The following BCKDHB variants were observed in gnomAD, a reference collection of about 807,000 sequenced individuals.
The protein encoded by BCKDHB is 2-oxoisovalerate dehydrogenase subunit beta, mitochondrial.
A neutral mutation model predicts 48.5 loss-of-function variants in BCKDHB; 41 were observed. That is an observed-to-expected ratio of 0.85 (90% CI 0.66 to 1.10). BCKDHB has a LOEUF of 1.10. BCKDHB is among the 50% of genes least tolerant of loss of function. BCKDHB has a pLI of 0.00. For missense variants in BCKDHB, 496 were observed against 494.2 expected (o/e 1.00, Z -0.03); for synonymous variants, 201 against 174.8 (o/e 1.15, Z -1.18).
intron 8 of BCKDHB, among the ~76,000 whole-genome samples, chr6:80,221,041 G>T (rs1251867113): frequency 1.3e-5 from 2 of 152,034 alleles, no homozygotes; most frequent in Non-Finnish European, 2.9e-5. Context: ...CTATTTGCCT[G>T]ATTATCTCTG....
the BCKDHB span, among the ~76,000 whole-genome samples, chr6:80,435,097 G>C: frequency 6.6e-6 from 1 of 152,100 alleles, no homozygotes; most frequent in Non-Finnish European, 1.5e-5. Flanking sequence ...ACTATTTCTA[G>C]GCAGCAAACT....
At chr6:80,456,437 G>T in the BCKDHB span, among the ~76,000 whole-genome samples, 1 of 152,060 alleles carries the variant, frequency 6.6e-6, no homozygotes, top group Non-Finnish European at 1.5e-5. Context: ...TCCTTTCCTA[G>T]CTCCCAGATT....
At chr6:80,157,167 G>T (rs1772083862) in intron 3 of BCKDHB, among the ~76,000 whole-genome samples, 1 of 151,482 alleles carries the variant, frequency 6.6e-6, no homozygotes, top group Non-Finnish European at 1.5e-5. Context: ...ATTTTCTATG[G>T]GTTGCTTAAA....
At chr6:80,374,598 A>G in the BCKDHB span, 603,547 of 615,040 alleles carry the variant, frequency 0.98, 297,046 homozygotes, top group East Asian at 1. Context: ...GCTACTTAGG[A>G]AAAGAGCCAT....
chr6:80,302,415 A>C (rs1767633276), intron 9 of BCKDHB, among the ~76,000 whole-genome samples: 1 of 152,148 alleles, frequency 6.6e-6, no homozygotes. Flanking sequence ...TTTTCTTACA[A>C]ATTTTTGCAA....
In BCKDHB at chr6:80,307,611, A is replaced by G. The variant is rs375249460; in HGVS notation, c.1038+34390A>G. 1.8e-5 allele frequency: 18 copies of G among 982,742 alleles called. No homozygotes were observed. The East Asian group carries it at 4.5e-4, about 25-fold the overall frequency. The allele number at this position is 982,742 out of a possible 1,614,324, so 60.9% of individuals were successfully genotyped here. On this transcript the variant is annotated intron_variant, in intron 9 of 9. Coordinates refer to ENST00000320393, the MANE Select transcript of BCKDHB (RefSeq NM_183050.4). The stretch of plus-strand genomic sequence containing the variant: ...AAATAACAAGATCGTCAACAGAAAA[A>G]GTGACAAACATAAAGTATATCTAGC...
chr6:80,440,886 C>T, the BCKDHB span: 2 of 152,096 alleles, frequency 1.3e-5, no homozygotes, highest in Admixed American at 6.6e-5. Context: ...AATATGGAGA[C>T]AGTTCCAAGA....
At chr6:80,373,733 A>C in the BCKDHB span, among the ~76,000 whole-genome samples, 4 of 152,064 alleles carry the variant, frequency 2.6e-5, no homozygotes, top group Admixed American at 6.6e-5. Context: ...TTCCTGTTGG[A>C]CTAGGCCTTT....
At chr6:80,434,024 C>G in the BCKDHB span, among the ~76,000 whole-genome samples, 1 of 152,062 alleles carries the variant, frequency 6.6e-6, no homozygotes, top group African/African-American at 2.4e-5. Context: ...ATACTCTGCT[C>G]TTTATTTGGG....
intron 3 of BCKDHB, among the ~76,000 whole-genome samples, chr6:80,151,649 T>C (rs1416859719): frequency 6.6e-6 from 1 of 152,152 alleles, no homozygotes; most frequent in African/African-American, 2.4e-5. Context: ...AGGTCCTCAG[T>C]TTGGACTTAG....
intron 3 of BCKDHB, among the ~76,000 whole-genome samples, chr6:80,164,500 C>T (rs903777653): frequency 6.6e-6 from 1 of 152,194 alleles, no homozygotes; most frequent in Non-Finnish European, 1.5e-5. Context: ...GGTTCATCAT[C>T]TAACAAACTA....
At chr6:80,438,233 T>C in the BCKDHB span, among the ~76,000 whole-genome samples, 2 of 152,240 alleles carry the variant, frequency 1.3e-5, no homozygotes, top group Admixed American at 1.3e-4. Context: ...TTGCACACTG[T>C]TCTGCAACGT....
intron 8 of BCKDHB, among the ~76,000 whole-genome samples, chr6:80,219,452 A>G (rs1409641030): frequency 6.6e-6 from 1 of 151,990 alleles, no homozygotes; most frequent in African/African-American, 2.4e-5. Flanking sequence ...GGTGATCCAC[A>G]CACCTCGGCC....
At chr6:80,320,134 A>G (rs1768644992) in intron 9 of BCKDHB, among the ~76,000 whole-genome samples, 1 of 152,166 alleles carries the variant, frequency 6.6e-6, no homozygotes, top group Non-Finnish European at 1.5e-5. Flanking sequence ...ATATGTTTAC[A>G]TGTTTTAAAT....
chr6:80,354,821 G>A, the BCKDHB span, among the ~76,000 whole-genome samples: 1 of 152,140 alleles, frequency 6.6e-6, no homozygotes, highest in Non-Finnish European at 1.5e-5. Flanking sequence ...GTAAATATGT[G>A]ATCTTATGTC....
intron 9 of BCKDHB, among the ~76,000 whole-genome samples, chr6:80,332,848 G>A (rs1300731121): frequency 2.6e-5 from 4 of 151,596 alleles, no homozygotes; most frequent in Non-Finnish European, 5.9e-5. Context: ...GCAGGCAAAC[G>A]GCTAGGAATT....
the BCKDHB span, among the ~76,000 whole-genome samples, chr6:80,412,164 T>A: frequency 2.0e-5 from 3 of 150,324 alleles, no homozygotes; most frequent in African/African-American, 7.5e-5. Flanking sequence ...TTTTTTTTTT[T>A]AGACAGAATC....
the BCKDHB span, among the ~76,000 whole-genome samples, chr6:80,362,727 G>A: frequency 6.6e-6 from 1 of 152,206 alleles, no homozygotes; most frequent in Non-Finnish European, 1.5e-5. Flanking sequence ...GCACATGAGA[G>A]ATTTGATGTG....
the BCKDHB span, among the ~76,000 whole-genome samples, chr6:80,386,582 G>C: frequency 3.9e-5 from 6 of 152,282 alleles, no homozygotes; most frequent in East Asian, 5.8e-4. Context: ...AATGCAATGG[G>C]AATAATTGAA....
Sources: gnomAD v4.1 joint callset for allele counts (sites outside exome capture counted in the v4.1 genomes callset) on GRCh38, gnomAD v4.1.1 for gene constraint, MANE v1.5 for transcripts, NCBI Gene and HGNC (gene_info 2026-07-23, HGNC 2026-07-21) for gene names.